The following RAB3GAP2 variants were observed in gnomAD, a reference collection of about 807,000 sequenced individuals.
The protein encoded by RAB3GAP2 is rab3 GTPase-activating protein non-catalytic subunit.
In RAB3GAP2, 87 loss-of-function variants were observed where a neutral mutation model predicts 185.3. The ratio of observed to expected loss-of-function variants is 0.47; its 90% CI spans 0.39 to 0.56. RAB3GAP2 has a LOEUF of 0.56. Among genes scored for constraint, RAB3GAP2 ranks in the 20% least tolerant of loss-of-function variants. RAB3GAP2 has a pLI of 0.00. For synonymous variants in RAB3GAP2, 554 were observed against 576.1 expected (o/e 0.96, Z 0.55); for missense variants, 1,492 against 1,638.2 (o/e 0.91, Z 1.54).
rs1659074853 is a variant in RAB3GAP2 at position 220,210,940 on chromosome 1, C to A, written c.434+15G>T. The A allele has an allele frequency of 6.2e-7, 1 of 1,613,784 alleles. No homozygotes were observed. Among genetic ancestry groups the A allele is most frequent in the Non-Finnish European group, 8.5e-7 (1 of 1,179,884 alleles). On this transcript the variant is annotated intron_variant, in intron 5 of 34. Transcript: ENST00000358951. Reference sequence around the variant, plus strand: ...ATCAAAGCAAAGAAAACAGATGACTCTTATTTATCCTTACCTCTTTTGGCT... The same window carrying A: ...ATCAAAGCAAAGAAAACAGATGACTATTATTTATCCTTACCTCTTTTGGCT...
chr1:220,192,390 G>A (rs1211765325), intron 13 of RAB3GAP2, among the ~76,000 whole-genome samples: 2 of 152,150 alleles, frequency 1.3e-5, no homozygotes, highest in Non-Finnish European at 2.9e-5. Context: ...TTACAGGATA[G>A]ACAAGATTGC....
At position 220,182,880 on chromosome 1, in the gene RAB3GAP2, C is replaced by T; in HGVS notation, c.2050G>A (p.Ala684Thr). 1 of 1,613,550 alleles carries T rather than the reference C, an allele frequency of 6.2e-7. No individual in the cohort carries two copies. The highest frequency in any genetic ancestry group is 8.5e-7 in the Non-Finnish European group (1 of 1,179,758). ...LDEKELLKLQ[A>T]LLEKYKQENT... ...TCTTGCTTATATTTCTCTAGTAATGCCTGGAGCTTAAGCAGTTCTTTTTCA... is the reference window on the plus strand; with the variant it reads ...TCTTGCTTATATTTCTCTAGTAATGTCTGGAGCTTAAGCAGTTCTTTTTCA... The change falls in exon 20 of 35, where the codon GCA becomes ACA. Residue 684 changes from alanine (A) to threonine (T), a missense_variant. By Grantham distance (58) the Ala-to-Thr change is moderately conservative. Around this residue, in one of 5 missense-constraint regions of RAB3GAP2, gnomAD observed 681 missense variants for 689.1 expected, o/e 0.99. Transcript: ENST00000358951.
chr1:220,210,517 G>T, intron 6 of RAB3GAP2, 28 bp from the exon 7 acceptor site: 1 of 1,550,672 alleles, frequency 6.4e-7, no homozygotes, highest in Non-Finnish European at 8.9e-7. Flanking sequence ...GAAGGGCCCT[G>T]CTTGTTTTCT....
intron 12 of RAB3GAP2, among the ~76,000 whole-genome samples, 198 bp downstream of exon 12, chr1:220,194,880 G>T (rs1658693840): frequency 6.6e-6 from 1 of 152,122 alleles, no homozygotes; most frequent in Non-Finnish European, 1.5e-5. Flanking sequence ...ATATAACAGG[G>T]ATAAAGCTGT....
Position 220,212,936 on chromosome 1 carries a change from C to T in RAB3GAP2, c.337G>A (p.Glu113Lys). Residue 113 changes from glutamate to lysine, a missense_variant, in exon 4 of 35, where the codon GAA becomes AAA. This residue lies in a region of RAB3GAP2 where 177 missense variants were observed against 160.6 expected (regional missense o/e 1.10). Transcript: ENST00000358951. ...CTCCAGCCAACAGCAAATTGCATTT[C>T]TTCCTTTCCTTTATCACTATATTTC... ...KWKYSDKGKE[E>K]MQFAVGWSGS... 6.2e-7 allele frequency: 1 copy of T among 1,613,248 alleles called. No individual in the cohort carries two copies. The highest frequency in any genetic ancestry group is 8.5e-7 in the Non-Finnish European group (1 of 1,179,346).
intron 10 of RAB3GAP2, among the ~76,000 whole-genome samples, chr1:220,195,695 C>G (rs78536292): frequency 6.6e-6 from 1 of 152,026 alleles, no homozygotes; most frequent in Non-Finnish European, 1.5e-5. Context: ...GGATTTCACA[C>G]CTACACATAA....
At chr1:220,241,387 C>T (rs924174480) in intron 1 of RAB3GAP2, among the ~76,000 whole-genome samples, 7 of 151,996 alleles carry the variant, frequency 4.6e-5, no homozygotes, top group Non-Finnish European at 7.4e-5. Context: ...AATTTAGTTT[C>T]TGTGGTCTAA....
At chr1:220,201,873 T>C (rs948209870) in intron 9 of RAB3GAP2, among the ~76,000 whole-genome samples, 1 of 152,124 alleles carries the variant, frequency 6.6e-6, no homozygotes, top group Non-Finnish European at 1.5e-5. Flanking sequence ...ATGCATTTTT[T>C]CACATAAGAA....
At chr1:220,195,557 C>T (rs539443013) in intron 10 of RAB3GAP2, among the ~76,000 whole-genome samples, 180 bp from the exon 11 acceptor site, 1 of 152,266 alleles carries the variant, frequency 6.6e-6, no homozygotes, top group East Asian at 1.9e-4. Context: ...AAAGTTTTAA[C>T]TCTATAGTTT....
Position 220,186,107 on chromosome 1 carries a change from C to A in RAB3GAP2, c.1780-366G>T, listed in dbSNP as rs531384491. Among the ~76,000 whole-genome samples the A allele has an allele frequency of 2.6e-5, 4 of 152,256 alleles. No individual in the cohort carries two copies. The South Asian group carries it at 8.3e-4, about 32-fold the overall frequency. On this transcript the variant is annotated intron_variant, in intron 17 of 34. Transcript: ENST00000358951. ...ATAAACGAAAAGCAGAGGTTATTGTCATGTCAATAACAAAAGCTGCCAAAA... is the reference window on the plus strand; with the variant it reads ...ATAAACGAAAAGCAGAGGTTATTGTAATGTCAATAACAAAAGCTGCCAAAA...
intron 21 of RAB3GAP2, among the ~76,000 whole-genome samples, 198 bp downstream of exon 21, chr1:220,182,059 A>G (rs1171538725): frequency 6.8e-6 from 1 of 147,824 alleles, no homozygotes; most frequent in African/African-American, 2.6e-5. Flanking sequence ...GAAAAAAAAA[A>G]TTACAGGGTA....
chr1:220,240,926 C>T (rs934301679), intron 1 of RAB3GAP2, among the ~76,000 whole-genome samples: 17 of 151,904 alleles, frequency 1.1e-4, no homozygotes, highest in Admixed American at 9.2e-4. Flanking sequence ...ACCACAATTC[C>T]CTTCTGAAGA....
At chr1:220,152,453 C>A (rs958681424) in intron 33 of RAB3GAP2, among the ~76,000 whole-genome samples, 1 of 152,222 alleles carries the variant, frequency 6.6e-6, no homozygotes, top group Non-Finnish European at 1.5e-5. Flanking sequence ...CCGGGCCAGC[C>A]TCCCTGCCTC....
chr1:220,157,349 G>C lies in RAB3GAP2; in HGVS notation c.3476C>G (p.Ser1159Cys). 1 of 1,613,884 alleles carries C rather than the reference G, an allele frequency of 6.2e-7. No homozygotes were observed. Among genetic ancestry groups the C allele is most frequent in the East Asian group, 2.2e-5 (1 of 44,884 alleles). ...TGCATACAAGATGGAGCACAGGATG[G>C]AGTGGTGCTCCACCAGTGGGTAGTG... is the stretch of plus-strand genomic sequence containing the variant. Reference protein sequence around the residue: ...HIHYPLVEHHSILCSILYAVM... With the variant: ...HIHYPLVEHHCILCSILYAVM... Residue 1159 changes from serine (S) to cysteine (C), a missense_variant, in exon 31 of 35, where the codon TCC becomes TGC. This residue lies in a region of RAB3GAP2 where 387 missense variants were observed against 455.3 expected (regional missense o/e 0.85). Coordinates refer to ENST00000358951, the MANE Select transcript of RAB3GAP2 (RefSeq NM_012414.4).
At chr1:220,264,552 A>C (rs1461193719) in intron 1 of RAB3GAP2, among the ~76,000 whole-genome samples, 1 of 151,996 alleles carries the variant, frequency 6.6e-6, no homozygotes, top group Non-Finnish European at 1.5e-5. Context: ...CCTTTTATAA[A>C]TTTCCATGAT....
chr1:220,155,831 G>T (rs77531584), intron 31 of RAB3GAP2, among the ~76,000 whole-genome samples: 4 of 152,000 alleles, frequency 2.6e-5, no homozygotes, highest in Admixed American at 2.0e-4. Context: ...GTTTCACAAA[G>T]GCCTTTTCTG....
At chr1:220,200,545 AT>A (rs1571896967) in intron 9 of RAB3GAP2, 1 of 519,560 alleles carries the variant, frequency 1.9e-6, no homozygotes, top group South Asian at 1.5e-5. Flanking sequence ...ACCTTTTTTC[AT>A]TTTGTAGGCT....
rs1307558910 is a variant in RAB3GAP2, at chr1:220,193,287, ACT to A, written c.1221_1222del (p.Arg407SerfsTer8). The A allele has an allele frequency of 6.2e-7, 1 of 1,613,918 alleles. No individual in the cohort carries two copies. Among genetic ancestry groups the A allele is most frequent in the East Asian group, 2.2e-5 (1 of 44,858 alleles). Reference sequence around the variant, plus strand: ...TCCTCTAGCTACATCCAATAAAATAACTCTGCCGAAATCATCTGTTACTGCTG... The same window carrying A: ...TCCTCTAGCTACATCCAATAAAATAACTGCCGAAATCATCTGTTACTGCTG... On this transcript the variant is annotated frameshift_variant, in exon 13 of 35. Coordinates refer to ENST00000358951, the MANE Select transcript of RAB3GAP2 (RefSeq NM_012414.4). LOFTEE classifies it high-confidence loss of function.
chr1:220,253,606 G>A, intron 1 of RAB3GAP2: 1 of 1,576,556 alleles, frequency 6.3e-7, no homozygotes, highest in Non-Finnish European at 8.7e-7. Context: ...TAAATTCCAG[G>A]AGGGTGAGCG....
Sources: gnomAD v4.1 joint callset for allele counts (sites outside exome capture counted in the v4.1 genomes callset) on GRCh38, gnomAD v4.1.1 for gene constraint, gnomAD v4.1.1 regional missense constraint, MANE v1.5 for transcripts, NCBI Gene and HGNC (gene_info 2026-07-23, HGNC 2026-07-21) for gene names.